The following GPM6A variants were observed in gnomAD, a reference collection of about 807,000 sequenced individuals.
The protein encoded by GPM6A is neuronal membrane glycoprotein M6-a.
A neutral mutation model predicts 32.1 loss-of-function variants in GPM6A; 7 were observed. The ratio of observed to expected loss-of-function variants is 0.22; its 90% CI spans 0.12 to 0.41. The LOEUF (loss-of-function observed/expected upper bound fraction) is 0.41. GPM6A is among the 10% of genes least tolerant of loss of function. The probability of loss-of-function intolerance (pLI) is 1.00; values close to 1 mark genes in which losing one functional copy is unlikely to be tolerated. For synonymous variants in GPM6A, 130 were observed against 123.4 expected, an observed-to-expected ratio of 1.05 and a Z score of -0.35; for missense variants, 235 against 347.2, an observed-to-expected ratio of 0.68 and a Z score of 2.57.
intron 1 of GPM6A, among the ~76,000 whole-genome samples, chr4:175,724,024 T>C (rs1447074362): frequency 6.6e-6 from 1 of 152,130 alleles, no homozygotes; most frequent in Non-Finnish European, 1.5e-5. Context: ...CCATGTTCAT[T>C]ATAGCATTAT....
At chr4:175,929,223 C>CT (rs556105384) in intron 1 of GPM6A, among the ~76,000 whole-genome samples, 4 of 152,186 alleles carry the variant, frequency 2.6e-5, no homozygotes, top group African/African-American at 7.2e-5. Flanking sequence ...ACTCTAATTA[C>CT]TTTTTTCTGT....
chr4:175,902,371 G>A (rs1014105741), intron 1 of GPM6A, among the ~76,000 whole-genome samples: 12 of 152,144 alleles, frequency 7.9e-5, no homozygotes, highest in Admixed American at 2.0e-4. Context: ...TCCTAAAAAA[G>A]AGCAGCCTGA....
intron 1 of GPM6A, among the ~76,000 whole-genome samples, chr4:175,939,181 A>C (rs1310289729): frequency 6.6e-6 from 1 of 152,220 alleles, no homozygotes; most frequent in Non-Finnish European, 1.5e-5. Context: ...TAGAGTTTGA[A>C]TTCAGAATGA....
intron 1 of GPM6A, among the ~76,000 whole-genome samples, chr4:175,875,432 T>C (rs11946595): frequency 0.026 from 3,893 of 152,308 alleles, 156 homozygotes; most frequent in African/African-American, 0.087. Context: ...GCATTTGTAA[T>C]AGTGATCATG....
intron 1 of GPM6A, among the ~76,000 whole-genome samples, chr4:175,999,834 A>G (rs1326065148): frequency 6.6e-6 from 1 of 152,180 alleles, no homozygotes; most frequent in Non-Finnish European, 1.5e-5. Context: ...TATCCTAGCC[A>G]TTTGGACTCT....
chr4:175,978,393 G>A lies in GPM6A; in HGVS notation c.-23+23916C>T, dbSNP rs1162807404. ...AAACACCTCCCTTCCTCGACAGGTG[G>A]GGCTTACAAAATTTGAGATGAGATT... On this transcript the variant is annotated intron_variant, in intron 1 of 7. Coordinates refer to the GPM6A transcript ENST00000280187. 2.0e-5 allele frequency among the ~76,000 whole-genome samples: 3 copies of A among 152,248 alleles called. No individual in the cohort carries two copies. In the East Asian group the frequency reaches 5.8e-4, roughly 29 times the overall value.
chr4:175,671,995 AAAG>A (rs1449798187), intron 3 of GPM6A, among the ~76,000 whole-genome samples: 107 of 56,092 alleles, frequency 1.9e-3, no homozygotes, highest in African/African-American at 3.0e-3. Context: ...AAAAAAAAAA[AAAG>A]AAAGAAAGAA....
In GPM6A at chr4:175,746,450, G is replaced by T. The variant is rs902103810; in HGVS notation, c.38-44683C>A. On this transcript the variant is annotated intron_variant, in intron 1 of 6. Transcript: ENST00000393658. ...TTCAATTATTCTGCACCAATGCTTTGTGTGTTCTCTTAAAAGACCAGATTT... is the reference window on the plus strand; with the variant it reads ...TTCAATTATTCTGCACCAATGCTTTTTGTGTTCTCTTAAAAGACCAGATTT... Among the ~76,000 whole-genome samples, 54 of 152,098 alleles carry T rather than the reference G, an allele frequency of 3.6e-4. 1 individual carries two copies. The highest frequency in any genetic ancestry group is 2.0e-4 in the Admixed American group (3 of 15,256).
intron 1 of GPM6A, among the ~76,000 whole-genome samples, chr4:175,861,749 G>GAAAAAAAAAAAAAAAAAAAA (rs10716525): frequency 1.1e-5 from 1 of 87,242 alleles, no homozygotes; most frequent in African/African-American, 4.5e-5. Context: ...AAGAGACTCT[G>GAAAAAAAAAAAAAAAAAAAA]AAAAAAAAAA....
At chr4:175,951,838 G>C (rs1739824117) in intron 1 of GPM6A, among the ~76,000 whole-genome samples, 1 of 152,172 alleles carries the variant, frequency 6.6e-6, no homozygotes, top group African/African-American at 2.4e-5. Context: ...CCTGCATAAT[G>C]AGGTGGGCCC....
At chr4:175,787,674 T>C (rs527664784) in intron 1 of GPM6A, 4 of 1,041,032 alleles carry the variant, frequency 3.8e-6, no homozygotes, top group African/African-American at 1.7e-5. Context: ...ATTTAATATA[T>C]GCAAGACATA....
rs970919994 is a variant in GPM6A, at chr4:175,788,814, T to C, written c.37+23377A>G. On this transcript the variant is annotated intron_variant, in intron 1 of 6. Transcript: ENST00000393658. The stretch of plus-strand genomic sequence containing the variant: ...TTAATGAACAAATCAGACATATAAA[T>C]AGAATGAAGACATTAATAAGGCTAT... 3.3e-5 allele frequency among the ~76,000 whole-genome samples: 5 copies of C among 152,026 alleles called. No individual in the cohort carries two copies. In the East Asian group the frequency reaches 7.7e-4, roughly 23 times the overall value.
chr4:175,981,337 T>A (rs1365400385), intron 1 of GPM6A, among the ~76,000 whole-genome samples: 5 of 152,208 alleles, frequency 3.3e-5, no homozygotes, highest in Non-Finnish European at 7.3e-5. Flanking sequence ...ATGTATGCAG[T>A]CACATAAACA....
chr4:175,976,898 A>G (rs1459027575), intron 1 of GPM6A, among the ~76,000 whole-genome samples: 1 of 152,252 alleles, frequency 6.6e-6, no homozygotes, highest in African/African-American at 2.4e-5. Context: ...AATTGAATAA[A>G]TCAAGAAAAA....
intron 2 of GPM6A, 34 bp downstream of exon 2, chr4:175,701,541 A>G (rs977978299): frequency 6.7e-7 from 1 of 1,491,070 alleles, no homozygotes; most frequent in Non-Finnish European, 9.3e-7. Context: ...AAATATATAC[A>G]TGGAAAATAA....
At position 175,701,692 on chromosome 4, in the gene GPM6A, G is replaced by T. The variant is rs867058508; in HGVS notation, c.113C>A (p.Ala38Glu). Residue 38 changes from alanine to glutamate, a missense_variant, in exon 2 of 7, where the codon GCG becomes GAG. Ala to Glu is a moderately radical substitution (Grantham distance 107, BLOSUM62 -1). Around this residue, in one of 3 missense-constraint regions of GPM6A, gnomAD observed 101 missense variants for 171.2 expected, o/e 0.59. Transcript: ENST00000393658. Reference sequence around the variant, plus strand: ...GCAGCCACAGAACAGGGCAACACCCGCATAGAGCAGGATGGTGGCAATCAG... The same window carrying T: ...GCAGCCACAGAACAGGGCAACACCCTCATAGAGCAGGATGGTGGCAATCAG... ...ASLIATILLY[A>E]GVALFCGCGH... 1 of 1,613,670 alleles carries T rather than the reference G, an allele frequency of 6.2e-7. No homozygotes were observed. The highest frequency in any genetic ancestry group is 8.5e-7 in the Non-Finnish European group (1 of 1,179,590).
At chr4:175,890,964 T>C (rs948246067) in intron 1 of GPM6A, among the ~76,000 whole-genome samples, 1 of 152,042 alleles carries the variant, frequency 6.6e-6, no homozygotes, top group East Asian at 1.9e-4. Context: ...TGATATAGAG[T>C]ATATGCAACT....
At chr4:175,644,876 G>A (rs2110897689) in intron 4 of GPM6A, among the ~76,000 whole-genome samples, 1 of 152,206 alleles carries the variant, frequency 6.6e-6, no homozygotes, top group African/African-American at 2.4e-5. Flanking sequence ...GGAGGATGAG[G>A]CAGGCGGATC....
At chr4:175,709,103 T>G (rs1745383010) in intron 1 of GPM6A, among the ~76,000 whole-genome samples, 1 of 152,220 alleles carries the variant, frequency 6.6e-6, no homozygotes, top group Non-Finnish European at 1.5e-5. Context: ...ATATATTCAT[T>G]TTCTCATTAA....
Sources: allele counts gnomAD v4.1 joint callset (sites outside exome capture counted in the v4.1 genomes callset), GRCh38; gene constraint gnomAD v4.1.1; regional missense constraint gnomAD v4.1.1; transcripts MANE v1.5; gene names NCBI Gene and HGNC (gene_info 2026-07-23, HGNC 2026-07-21).